The following MEGF10 variants were observed in gnomAD, a reference collection of about 807,000 sequenced individuals.
MEGF10 encodes the protein multiple EGF like domains 10, also known as multiple epidermal growth factor-like domains protein 10.
MEGF10 carries 86 observed loss-of-function variants against 147.5 expected under a neutral mutation model. The observed-to-expected ratio is 0.58, with a 90% CI of 0.49 to 0.70. The LOEUF is 0.70. MEGF10 is among the 30% of genes least tolerant of loss of function. MEGF10 has a pLI of 0.00. For missense variants in MEGF10, 1,329 were observed against 1,487.3 expected (o/e 0.89, Z 1.75); for synonymous variants, 478 against 525.5 (o/e 0.91, Z 1.24).
intron 6 of MEGF10, among the ~76,000 whole-genome samples, chr5:127,397,566 A>G (rs1484289367): frequency 2.0e-5 from 3 of 152,258 alleles, no homozygotes. Flanking sequence ...CTAAAACTTG[A>G]AAAAACAAAA....
At chr5:127,392,102 G>A (rs73346940) in intron 5 of MEGF10, among the ~76,000 whole-genome samples, 5,261 of 152,260 alleles carry the variant, frequency 0.035, 303 homozygotes, top group African/African-American at 0.12. Flanking sequence ...GTTCTCAAAA[G>A]TGTGCCTAAG....
At chr5:127,270,011 C>A in the MEGF10 span, among the ~76,000 whole-genome samples, 2 of 152,130 alleles carry the variant, frequency 1.3e-5, no homozygotes, top group Non-Finnish European at 2.9e-5. Flanking sequence ...GAAATAAAAT[C>A]CTTTACAGAC....
At chr5:127,386,018 G>A (rs914221278) in intron 5 of MEGF10, among the ~76,000 whole-genome samples, 3 of 152,180 alleles carry the variant, frequency 2.0e-5, no homozygotes, top group Admixed American at 6.5e-5. Flanking sequence ...TGAGGTGGGA[G>A]GATCGATCAA....
intron 10 of MEGF10, 61 bp from the exon 11 acceptor site, chr5:127,419,059 T>A (rs1265907482): frequency 1.3e-6 from 2 of 1,535,204 alleles, no homozygotes; most frequent in Non-Finnish European, 1.8e-6. Context: ...TTTTGTTTAT[T>A]TGTGTTGGCC....
chr5:127,441,245 C>T (rs553375304), intron 18 of MEGF10, among the ~76,000 whole-genome samples: 1 of 152,324 alleles, frequency 6.6e-6, no homozygotes, highest in South Asian at 2.1e-4. Flanking sequence ...GAGGACAGTA[C>T]ATTCGGTGGG....
At chr5:127,382,220 G>T (rs1322506320) in intron 5 of MEGF10, among the ~76,000 whole-genome samples, 1 of 152,072 alleles carries the variant, frequency 6.6e-6, no homozygotes, top group Non-Finnish European at 1.5e-5. Flanking sequence ...TTCTTGAGAT[G>T]GATAAAACTC....
At chr5:127,454,669 A>C in intron 23 of MEGF10, 59 bp downstream of exon 23, 1 of 1,444,390 alleles carries the variant, frequency 6.9e-7, no homozygotes, top group Non-Finnish European at 9.5e-7. Context: ...TTAACCTCAA[A>C]GACTGAAATA....
intron 19 of MEGF10, 50 bp from the exon 20 acceptor site, chr5:127,445,407 G>A (rs369587206): frequency 5.1e-5 from 73 of 1,434,254 alleles, no homozygotes; most frequent in Non-Finnish European, 6.3e-5. Flanking sequence ...GAGATCAAAC[G>A]TTTATCCAGC....
intron 21 of MEGF10, 25 bp from the exon 22 acceptor site, chr5:127,449,074 C>T (rs2127032402): frequency 6.2e-7 from 1 of 1,613,408 alleles, no homozygotes; most frequent in Admixed American, 1.7e-5. Context: ...TGTTTTTAAT[C>T]TTTCGTTGTT....
chr5:127,364,175 AT>A (rs1174414712), intron 4 of MEGF10, among the ~76,000 whole-genome samples: 3 of 152,210 alleles, frequency 2.0e-5, no homozygotes, highest in African/African-American at 7.2e-5. Context: ...CAATTCAACC[AT>A]TTTTAGTATA....
Position 127,422,672 on chromosome 5 carries a change from T to C in MEGF10, c.1593T>C (p.Asp531=), listed in dbSNP as rs375928516. The C allele has an allele frequency of 9.3e-6, 15 of 1,613,740 alleles. No individual in the cohort carries two copies. In the African/African-American group the frequency reaches 1.7e-4, roughly 19 times the overall value. ...CTTTGATGCTGTTTTCCATGCAGGA[T>C]GGCACGTACGGGCTGAACTGTGCTG... is the stretch of plus-strand genomic sequence containing the variant. ...RGEKCELPCQ[D]GTYGLNCAER... is the part of the protein sequence containing the mutation. Residue 531 remains aspartate (D), a splice_region_variant and synonymous_variant, in exon 13 of 25, where the codon GAT becomes GAC. Transcript: ENST00000503335.
At chr5:127,361,401 G>A (rs1277112069) in intron 4 of MEGF10, among the ~76,000 whole-genome samples, 1 of 151,828 alleles carries the variant, frequency 6.6e-6, no homozygotes, top group Non-Finnish European at 1.5e-5. Context: ...AGTAATTTGT[G>A]TCTTCTCTCT....
chr5:127,308,443 T>C (rs935162354), intron 1 of MEGF10, among the ~76,000 whole-genome samples: 1 of 152,176 alleles, frequency 6.6e-6, no homozygotes, highest in African/African-American at 2.4e-5. Flanking sequence ...CATTGCACAG[T>C]GGCTGCGAAA....
intron 1 of MEGF10, among the ~76,000 whole-genome samples, chr5:127,303,994 T>G (rs1759895341): frequency 6.6e-6 from 1 of 152,228 alleles, no homozygotes; most frequent in Admixed American, 6.5e-5. Flanking sequence ...TTTTTGTATC[T>G]GAGATTTTAA....
At chr5:127,380,899 G>A (rs893822519) in intron 5 of MEGF10, among the ~76,000 whole-genome samples, 8 of 152,152 alleles carry the variant, frequency 5.3e-5, no homozygotes, top group African/African-American at 7.2e-5. Context: ...AGTCAGGCAA[G>A]ATGTACTGGG....
At chr5:127,255,137 A>G in the MEGF10 span, among the ~76,000 whole-genome samples, 1 of 152,132 alleles carries the variant, frequency 6.6e-6, no homozygotes, top group Non-Finnish European at 1.5e-5. Context: ...TGGGGGCTGC[A>G]GGACTGGTTG....
chr5:127,360,615 T>G (rs909804933), intron 4 of MEGF10, among the ~76,000 whole-genome samples: 2 of 151,988 alleles, frequency 1.3e-5, no homozygotes, highest in Non-Finnish European at 2.9e-5. Flanking sequence ...TAGTAGGTTT[T>G]ACATATTTGC....
intron 13 of MEGF10, chr5:127,424,233 A>G (rs556236427): frequency 1.7e-5 from 11 of 658,396 alleles, no homozygotes; most frequent in African/African-American, 1.5e-4. Flanking sequence ...ATTTGTCTAT[A>G]TATCTCTCCT....
Position 127,420,127 on chromosome 5 carries a change from G to A in MEGF10, c.1510G>A (p.Gly504Arg), listed in dbSNP as rs761138933. 1.7e-5 allele frequency: 28 copies of A among 1,614,078 alleles called. No individual in the cohort carries two copies. Among genetic ancestry groups the A allele is most frequent in the South Asian group, 1.5e-4 (14 of 91,084 alleles). The part of the protein sequence containing the change: ...GCNLTCQCLN[G>R]GACNTLDGTC... ...TAACTTAACATGCCAGTGCCTCAAC[G>A]GGGGAGCCTGCAACACCCTGGACGG... Residue 504 changes from glycine to arginine, a missense_variant, in exon 12 of 25, where the codon GGG becomes AGG. Physicochemically the swap from Gly to Arg is moderately radical, Grantham distance 125. Transcript: ENST00000503335.
Sources: allele counts gnomAD v4.1 joint callset (sites outside exome capture counted in the v4.1 genomes callset), GRCh38; gene constraint gnomAD v4.1.1; transcripts MANE v1.5; gene names NCBI Gene and HGNC (gene_info 2026-07-23, HGNC 2026-07-21).